The following ARHGAP21 variants were observed in gnomAD, a reference collection of about 807,000 sequenced individuals.
ARHGAP21 encodes Rho GTPase activating protein 21.
Under a neutral mutation model 164.6 loss-of-function variants are expected in ARHGAP21, and 38 were observed. The ratio of observed to expected loss-of-function variants is 0.23; its 90% CI spans 0.18 to 0.30. The LOEUF (loss-of-function observed/expected upper bound fraction) is 0.30, where lower values mean the gene tolerates loss of function less well. ARHGAP21 is among the 10% of genes least tolerant of loss of function. The pLI is 1.00. For missense variants in ARHGAP21, 1,822 were observed against 2,370.7 expected (o/e 0.77, Z 4.81); for synonymous variants, 766 against 857.9 (o/e 0.89, Z 1.87).
chr10:24,625,675 G>A (rs1337372035), intron 7 of ARHGAP21, among the ~76,000 whole-genome samples: 2 of 151,950 alleles, frequency 1.3e-5, no homozygotes, highest in East Asian at 1.9e-4. Flanking sequence ...ACTCTAGGCC[G>A]GACCACCTAC....
chr10:24,610,520 G>A (rs2077213526), intron 9 of ARHGAP21, among the ~76,000 whole-genome samples: 1 of 151,864 alleles, frequency 6.6e-6, no homozygotes, highest in Non-Finnish European at 1.5e-5. Context: ...AAAAAATACA[G>A]GCCTATATAT....
intron 2 of ARHGAP21, among the ~76,000 whole-genome samples, chr10:24,720,785 G>C (rs1262592217): frequency 6.6e-6 from 1 of 152,178 alleles, no homozygotes; most frequent in Non-Finnish European, 1.5e-5. Flanking sequence ...GCAAAAGAAA[G>C]TGAGACAGTG....
At chr10:24,594,648 G>A (rs901651892) in intron 21 of ARHGAP21, among the ~76,000 whole-genome samples, 27 of 151,962 alleles carry the variant, frequency 1.8e-4, no homozygotes, top group Admixed American at 1.4e-3. Flanking sequence ...CTGTTGTAGC[G>A]TATGCATATG....
chr10:24,679,345 C>T (rs1338561795), intron 2 of ARHGAP21, among the ~76,000 whole-genome samples: 2 of 152,148 alleles, frequency 1.3e-5, no homozygotes, highest in Non-Finnish European at 2.9e-5. Flanking sequence ...AGGGCAAGGT[C>T]GTTTCCTGGG....
chr10:24,723,801 G>GGGC lies in ARHGAP21; in HGVS notation c.-623_-621dup, dbSNP rs914111549. On this transcript the variant is annotated 5_prime_UTR_variant, in exon 1 of 26. Coordinates refer to ENST00000396432, the MANE Select transcript of ARHGAP21 (RefSeq NM_020824.4). ...GGCCGCCGCAGGAGGGCGTGGGGCG[G>GGGC]GGCGGCGGCCGCCGGACTCTCCCCT... 6 of 148,156 alleles carry GGGC rather than the reference G, an allele frequency of 4.0e-5. No homozygotes were observed. The highest frequency in any genetic ancestry group is 1.5e-4 in the African/African-American group (6 of 40,978). 9.2% of individuals were successfully genotyped at this position (148,156 alleles called of 1,614,324 possible).
At chr10:24,689,448 A>AAT (rs1180875453) in intron 2 of ARHGAP21, among the ~76,000 whole-genome samples, 1 of 152,148 alleles carries the variant, frequency 6.6e-6, no homozygotes, top group Non-Finnish European at 1.5e-5. Context: ...TTCATACATA[A>AAT]ATATACACTG....
intron 3 of ARHGAP21, among the ~76,000 whole-genome samples, chr10:24,668,938 T>C (rs1205943645): frequency 2.6e-5 from 4 of 152,040 alleles, no homozygotes; most frequent in Non-Finnish European, 4.4e-5. Context: ...AGACAAAAAA[T>C]ACACAATCCT....
chr10:24,719,100 C>CACACACAT (rs1845674929), intron 2 of ARHGAP21, among the ~76,000 whole-genome samples: 1 of 76,844 alleles, frequency 1.3e-5, no homozygotes, highest in Non-Finnish European at 3.0e-5. Flanking sequence ...TCACGGACTA[C>CACACACAT]ACACACACAC....
chr10:24,614,920 C>T (rs1356607419), intron 9 of ARHGAP21, among the ~76,000 whole-genome samples: 1 of 152,048 alleles, frequency 6.6e-6, no homozygotes, highest in Non-Finnish European at 1.5e-5. Context: ...GGTGCGGTGG[C>T]TCATACCTGT....
At chr10:24,705,862 C>T (rs1844173241) in intron 2 of ARHGAP21, among the ~76,000 whole-genome samples, 1 of 151,966 alleles carries the variant, frequency 6.6e-6, no homozygotes, top group Admixed American at 6.6e-5. Flanking sequence ...TGAATTTGTA[C>T]AATATTATCT....
rs1427350628 is a variant in ARHGAP21 at position 24,585,947 on chromosome 10, C to G, written c.4342G>C (p.Glu1448Gln). The G allele has an allele frequency of 1.2e-6, 2 of 1,613,972 alleles. No homozygotes were observed. Among genetic ancestry groups the G allele is most frequent in the Non-Finnish European group, 1.7e-6 (2 of 1,180,026 alleles). ...TCTTTAGTATCATTGTGACACTGTT[C>G]CACATTTTCTTTCTTAAAAAATACA... ...DNVFFKKENV[E>Q]QCHNDTKEES... is the part of the protein sequence containing the mutation. The change falls in exon 26 of 26, where the codon GAA becomes CAA. Residue 1448 changes from glutamate (E) to glutamine (Q), a missense_variant. Around this residue, in one of 5 missense-constraint regions of ARHGAP21, gnomAD observed 333 missense variants for 383.9 expected, o/e 0.87. Coordinates refer to ENST00000396432, the MANE Select transcript of ARHGAP21 (RefSeq NM_020824.4).
At chr10:24,721,681 C>T (rs1223463581) in intron 2 of ARHGAP21, among the ~76,000 whole-genome samples, 156 bp downstream of exon 2, 3 of 152,230 alleles carry the variant, frequency 2.0e-5, no homozygotes, top group Non-Finnish European at 4.4e-5. Flanking sequence ...GGCCAGGCTT[C>T]TCCTCGCTAC....
rs749840646 is a variant in ARHGAP21, at chr10:24,584,545, G to A, written c.5744C>T (p.Pro1915Leu). ...STNRPLLSIP[P>L]QSPDQINGES... ...TCCGTTTATTTGGTCAGGTGACTGTGGTGGTATGGAAAGAAGGGGCCTGTT... is the reference window on the plus strand; with the variant it reads ...TCCGTTTATTTGGTCAGGTGACTGTAGTGGTATGGAAAGAAGGGGCCTGTT... Residue 1915 changes from proline to leucine, a missense_variant, in exon 26 of 26, where the codon CCA becomes CTA. By Grantham distance (98) the Pro-to-Leu change is moderately conservative (BLOSUM62 -3). Transcript: ENST00000396432. The A allele has an allele frequency of 1.9e-5, 30 of 1,613,908 alleles. No individual in the cohort carries two copies. In the South Asian group the frequency reaches 2.4e-4, roughly 13 times the overall value.
intron 2 of ARHGAP21, among the ~76,000 whole-genome samples, chr10:24,674,693 A>T (rs1010920709): frequency 1.3e-5 from 2 of 152,090 alleles, no homozygotes; most frequent in Non-Finnish European, 2.9e-5. Flanking sequence ...CTCAAAAAAT[A>T]TATATATTTT....
chr10:24,602,105 T>C lies in ARHGAP21; in HGVS notation c.2722-2A>G. 6.2e-7 allele frequency: 1 copy of C among 1,611,632 alleles called. No individual in the cohort carries two copies. Among genetic ancestry groups the C allele is most frequent in the Non-Finnish European group, 8.5e-7 (1 of 1,179,350 alleles). Reference sequence around the variant, plus strand: ...TGATGACTTTTGGCTGTCTGCGATCTATAGAAAAGACCAAGAAAACAGTAA... The same window carrying C: ...TGATGACTTTTGGCTGTCTGCGATCCATAGAAAAGACCAAGAAAACAGTAA... On this transcript the variant is annotated splice_acceptor_variant, in intron 12 of 25. Transcript: ENST00000396432. LOFTEE classifies it high-confidence loss of function.
rs199575733 is a variant in ARHGAP21, at chr10:24,585,644, A to G, written c.4645T>C (p.Leu1549=). 3.1e-6 allele frequency: 5 copies of G among 1,614,112 alleles called. No homozygotes were observed. The East Asian group carries it at 1.1e-4, about 36-fold the overall frequency. ...GAGGCCTGGGAAGACGTGCTGAGCA[A>G]AGTGCCAGAGTCAGAGCCTGTCTCT... ...LEETGSDSGT[L]LSTSSQASLA... The change falls in exon 26 of 26, where the codon TTG becomes CTG. Residue 1549 remains leucine, a synonymous_variant. Transcript: ENST00000396432.
chr10:24,610,214 CA>C (rs2077196137), intron 9 of ARHGAP21, among the ~76,000 whole-genome samples: 1 of 151,746 alleles, frequency 6.6e-6, no homozygotes, highest in Non-Finnish European at 1.5e-5. Context: ...CTGTCTCTAC[CA>C]AAAATACAAA....
intron 2 of ARHGAP21, among the ~76,000 whole-genome samples, chr10:24,689,014 C>A (rs555385642): frequency 2.8e-4 from 42 of 152,152 alleles, no homozygotes; most frequent in Middle Eastern, 3.4e-3. Flanking sequence ...GGCGTTTGTA[C>A]AGAAACCTAC....
chr10:24,687,366 T>G (rs1372922885), intron 2 of ARHGAP21, among the ~76,000 whole-genome samples: 3 of 152,146 alleles, frequency 2.0e-5, no homozygotes, highest in Admixed American at 6.5e-5. Context: ...TGAATGAAAT[T>G]TATACGAAAT....
Sources: allele counts gnomAD v4.1 joint callset (sites outside exome capture counted in the v4.1 genomes callset), GRCh38; gene constraint gnomAD v4.1.1; regional missense constraint gnomAD v4.1.1; transcripts MANE v1.5; gene names NCBI Gene and HGNC (gene_info 2026-07-23, HGNC 2026-07-21).